Variants in CRABP2 observed in about 807,000 individuals in gnomAD.
CRABP2 encodes cellular retinoic acid binding protein 2, also known as cellular retinoic acid-binding protein 2.
Under a neutral mutation model 17.9 loss-of-function variants are expected in CRABP2, and 20 were observed. The observed-to-expected ratio is 1.12, with a 90% CI of 0.79 to 1.63. The LOEUF (loss-of-function observed/expected upper bound fraction) is 1.63. Ranked by LOEUF, CRABP2 falls within the 40% of genes most tolerant of loss-of-function variation. The pLI is 0.00. For synonymous variants in CRABP2, 76 were observed against 66.4 expected, an observed-to-expected ratio of 1.14 and a Z score of -0.70; for missense variants, 151 against 168.6, an observed-to-expected ratio of 0.90 and a Z score of 0.58.
At chr1:156,700,160 G>T in intron 3 of CRABP2, 84 bp from the exon 4 acceptor site, 1 of 1,416,360 alleles carries the variant, frequency 7.1e-7, no homozygotes, top group Non-Finnish European at 9.8e-7. Flanking sequence ...GAGGTACTCT[G>T]CTTGGCCTCC....
At position 156,700,859 on chromosome 1, in the gene CRABP2, C is replaced by T; in HGVS notation, c.249+15G>A. The T allele has an allele frequency of 1.9e-6, 3 of 1,611,140 alleles. No individual in the cohort carries two copies. Among genetic ancestry groups the T allele is most frequent in the Non-Finnish European group, 2.5e-6 (3 of 1,177,828 alleles). On this transcript the variant is annotated intron_variant, in intron 2 of 3. Transcript: ENST00000368222. ...GCAATGACGCCATGACCCTGGAGCC[C>T]CTTCTGGCACTCACCTTACAGGGCC...
Position 156,700,014 on chromosome 1 carries a change from A to C in CRABP2, c.*12T>G, listed in dbSNP as rs756461639. 1 of 1,612,200 alleles carries C rather than the reference A, an allele frequency of 6.2e-7. No individual in the cohort carries two copies. The highest frequency in any genetic ancestry group is 8.5e-7 in the Non-Finnish European group (1 of 1,179,176). ...AGTGGTGGGCTTCGGCCGCGGTTCT[A>C]CCTGTGGCCACTCACTCTCGGACGT... is the stretch of plus-strand genomic sequence containing the variant. On this transcript the variant is annotated 3_prime_UTR_variant, in exon 4 of 4. Transcript: ENST00000368222.
chr1:156,700,782 G>A, intron 2 of CRABP2, 92 bp downstream of exon 2: 1 of 1,535,054 alleles, frequency 6.5e-7, no homozygotes, highest in Non-Finnish European at 8.9e-7. Flanking sequence ...CTGGGACAGA[G>A]AGAAGCTAGG....
chr1:156,703,625 A>C (rs1648104876), intron 1 of CRABP2, among the ~76,000 whole-genome samples: 1 of 152,150 alleles, frequency 6.6e-6, no homozygotes, highest in South Asian at 2.1e-4. Context: ...TCAGTGCCAA[A>C]GCATACCTAC....
chr1:156,705,596 C>T, upstream of CRABP2: 3 of 799,682 alleles, frequency 3.8e-6, no homozygotes, highest in Non-Finnish European at 6.0e-6. The surrounding 1 kb of genome is among the most constrained non-coding windows in gnomAD (Gnocchi z 5.2). Flanking sequence ...CCTGGGCTCC[C>T]GCGCGGACAG....
chr1:156,703,272 G>C (rs556422127), intron 1 of CRABP2, among the ~76,000 whole-genome samples: 32 of 152,206 alleles, frequency 2.1e-4, no homozygotes, highest in African/African-American at 7.5e-4. Context: ...ATTCAGCCTC[G>C]TGGATTCAGA....
chr1:156,705,260 G>A lies in CRABP2; in HGVS notation c.70+117C>T. 1 of 1,141,474 alleles carries A rather than the reference G, an allele frequency of 8.8e-7. No individual in the cohort carries two copies. The highest frequency in any genetic ancestry group is 1.3e-5 in the South Asian group (1 of 77,308). 70.7% of individuals were successfully genotyped at this position (1,141,474 alleles called of 1,614,324 possible). Reference sequence around the variant, plus strand: ...CCGGACGCCTGGCACGTTTTTCGGGGATGCAGGCACCCAGTGTCTCACGCC... The same window carrying A: ...CCGGACGCCTGGCACGTTTTTCGGGAATGCAGGCACCCAGTGTCTCACGCC... On this transcript the variant is annotated intron_variant, in intron 1 of 3. Coordinates refer to ENST00000368222, the MANE Select transcript of CRABP2 (RefSeq NM_001878.4). This position sits in a 1 kb window ranked among gnomAD's most constrained non-coding sequence, Gnocchi z 5.2.
rs1488911898 is a variant in CRABP2, at chr1:156,705,206, T to C, written c.70+171A>G. ...TGGGCCCCCGCAGGAGAAAGCGGGA[T>C]TTAGGCGTCGTGCCCAGAGCCCCGG... On this transcript the variant is annotated intron_variant, in intron 1 of 3. Coordinates refer to ENST00000368222, the MANE Select transcript of CRABP2 (RefSeq NM_001878.4). The surrounding 1 kb of genome is among the most constrained non-coding windows in gnomAD (Gnocchi z 5.2). Among the ~76,000 whole-genome samples the C allele has an allele frequency of 2.0e-5, 3 of 152,172 alleles. No homozygotes were observed. The highest frequency in any genetic ancestry group is 2.9e-5 in the Non-Finnish European group (2 of 68,010).
chr1:156,701,879 C>T (rs1226776562), intron 1 of CRABP2, among the ~76,000 whole-genome samples: 3 of 152,032 alleles, frequency 2.0e-5, no homozygotes, highest in African/African-American at 4.8e-5. Context: ...TGGCTCACAC[C>T]TATAATCCCA....
At chr1:156,705,732 G>A, upstream of CRABP2, 1 of 413,892 alleles carries the variant, frequency 2.4e-6, no homozygotes, top group South Asian at 4.7e-5. This position sits in a 1 kb window ranked among gnomAD's most constrained non-coding sequence, Gnocchi z 5.2. Flanking sequence ...CCGCGTGTGG[G>A]TCCAGGCTTC....
intron 1 of CRABP2, among the ~76,000 whole-genome samples, chr1:156,704,456 C>A (rs1178917072): frequency 3.9e-5 from 6 of 152,214 alleles, no homozygotes; most frequent in African/African-American, 1.4e-4. Context: ...TAACTAACGT[C>A]CATCTCTCCC....
chr1:156,705,620 T>C (rs1358733369), upstream of CRABP2: 19 of 625,362 alleles, frequency 3.0e-5, no homozygotes, highest in Non-Finnish European at 4.7e-5. The surrounding 1 kb of genome is among the most constrained non-coding windows in gnomAD (Gnocchi z 5.2). Flanking sequence ...TTATACCCTG[T>C]ACGGAACCGC....
intron 1 of CRABP2, among the ~76,000 whole-genome samples, chr1:156,703,639 A>G (rs752746516): frequency 6.6e-6 from 1 of 152,086 alleles, no homozygotes; most frequent in Non-Finnish European, 1.5e-5. Context: ...TACCTACCCT[A>G]CTGCAAACAG....
Position 156,705,395 on chromosome 1 carries a change from C to CCTTACCCAGCA in CRABP2, c.51_52insTGCTGGGTAAG (p.Glu18CysfsTer12). 1 of 1,614,194 alleles carries CCTTACCCAGCA rather than the reference C, an allele frequency of 6.2e-7. No homozygotes were observed. Among genetic ancestry groups the CCTTACCCAGCA allele is most frequent in the South Asian group, 1.1e-5 (1 of 91,082 alleles). ...TCCTTACCCAGCACTTTGAGCAATTCCTCGAAGTTTTCCGATCGGATGATT... is the reference window on the plus strand; with the variant it reads ...TCCTTACCCAGCACTTTGAGCAATTCCTTACCCAGCACTCGAAGTTTTCCGATCGGATGATT... On this transcript the variant is annotated frameshift_variant, in exon 1 of 4. Transcript: ENST00000368222. LOFTEE classifies it high-confidence loss of function. The surrounding 1 kb of genome is among the most constrained non-coding windows in gnomAD (Gnocchi z 5.2).
chr1:156,700,168 T>A, intron 3 of CRABP2, 92 bp from the exon 4 acceptor site: 1 of 1,354,988 alleles, frequency 7.4e-7, no homozygotes. Flanking sequence ...CTGCTTGGCC[T>A]CCAGGTCCAA....
In CRABP2 at chr1:156,700,747, C is replaced by T. The variant is rs535455417; in HGVS notation, c.250-89G>A. On this transcript the variant is annotated intron_variant, in intron 2 of 3. Transcript: ENST00000368222. Reference sequence around the variant, plus strand: ...AGGGAGAGAGCCCCTTTCTAGCCCCCACCACCACCTAGGGATTTTCCCTAC... The same window carrying T: ...AGGGAGAGAGCCCCTTTCTAGCCCCTACCACCACCTAGGGATTTTCCCTAC... The T allele has an allele frequency of 8.4e-4, 1,272 of 1,508,252 alleles. 12 individuals carry two copies. Among genetic ancestry groups the T allele is most frequent in the South Asian group, 7.7e-3 (670 of 86,788 alleles). The allele number at this position is 1,508,252 out of a possible 1,614,324, so 93.4% of individuals were successfully genotyped here.
At chr1:156,701,442 GTC>G (rs1015749966) in intron 1 of CRABP2, among the ~76,000 whole-genome samples, 1 of 152,120 alleles carries the variant, frequency 6.6e-6, no homozygotes, top group African/African-American at 2.4e-5. Context: ...GGCTCCGGTT[GTC>G]TCTGTTTACT....
chr1:156,703,097 C>T (rs1276691475), intron 1 of CRABP2, among the ~76,000 whole-genome samples: 1 of 151,568 alleles, frequency 6.6e-6, no homozygotes, highest in Non-Finnish European at 1.5e-5. Flanking sequence ...GCATTAGGCA[C>T]CGTACTCATC....
chr1:156,701,052 CCT>C lies in CRABP2; in HGVS notation c.71-2_71-1del. Reference sequence around the variant, plus strand: ...AATCTTCCTCAGCATCACATTCACCCCTGTGGGGAGAGAGGAGAGGCTCACCT... The same window carrying C: ...AATCTTCCTCAGCATCACATTCACCCGTGGGGAGAGAGGAGAGGCTCACCT... On this transcript the variant is annotated splice_acceptor_variant, in intron 1 of 3. Coordinates refer to ENST00000368222, the MANE Select transcript of CRABP2 (RefSeq NM_001878.4). LOFTEE classifies it high-confidence loss of function. 1 of 1,613,840 alleles carries C rather than the reference CCT, an allele frequency of 6.2e-7. No homozygotes were observed. Among genetic ancestry groups the C allele is most frequent in the Non-Finnish European group, 8.5e-7 (1 of 1,179,854 alleles).
Sources: allele counts gnomAD v4.1 joint callset (sites outside exome capture counted in the v4.1 genomes callset), GRCh38; gene constraint gnomAD v4.1.1; non-coding constraint Gnocchi (gnomAD v3.1); transcripts MANE v1.5; gene names NCBI Gene and HGNC (gene_info 2026-07-23, HGNC 2026-07-21).